MMUT: variants seen among roughly 807,000 people sequenced by gnomAD.
MMUT encodes methylmalonyl-CoA mutase, mitochondrial.
Under a neutral mutation model 79.9 loss-of-function variants are expected in MMUT, and 79 were observed. The observed-to-expected ratio is 0.99, with a 90% CI of 0.82 to 1.19. MMUT has a LOEUF of 1.19. MMUT is among the 50% of genes most tolerant of loss of function. MMUT has a pLI of 0.00. For missense variants in MMUT, 860 were observed against 917.2 expected (o/e 0.94, Z 0.81); for synonymous variants, 273 against 295.7 (o/e 0.92, Z 0.79).
At chr6:49,440,750 A>G (rs1028334167) in intron 10 of MMUT, among the ~76,000 whole-genome samples, 16 of 152,332 alleles carry the variant, frequency 1.1e-4, no homozygotes, top group Non-Finnish European at 1.3e-4. Flanking sequence ...GTAAGCACAT[A>G]ACACTGAGAA....
intron 7 of MMUT, 118 bp downstream of exon 7, chr6:49,448,698 T>G (rs765767186): frequency 7.4e-5 from 61 of 823,460 alleles, no homozygotes; most frequent in Non-Finnish European, 1.1e-4. Context: ...GAGAAAAAAT[T>G]TACCCAAGTT....
rs773680972 is a variant in MMUT at position 49,431,717 on chromosome 6, A to G, written c.*11T>C. On this transcript the variant is annotated 3_prime_UTR_variant, in exon 13 of 13. Transcript: ENST00000274813. ...AATATTTTAGACAAAAGCTAAAACA[A>G]AAAGAGGATATTATACAGATTGCTG... The G allele has an allele frequency of 8.1e-6, 13 of 1,612,402 alleles. No individual in the cohort carries two copies. The highest frequency in any genetic ancestry group is 9.3e-6 in the Non-Finnish European group (11 of 1,178,830).
intron 3 of MMUT, 83 bp from the exon 4 acceptor site, chr6:49,456,320 T>C: frequency 3.2e-6 from 3 of 936,932 alleles, no homozygotes; most frequent in Non-Finnish European, 5.0e-6. Flanking sequence ...GCATAAACAT[T>C]ATTTTAAAAT....
intron 12 of MMUT, 61 bp downstream of exon 12, chr6:49,435,395 A>C: frequency 2.0e-6 from 3 of 1,475,574 alleles, no homozygotes; most frequent in Non-Finnish European, 2.8e-6. Context: ...TAGAACCACA[A>C]ATAAGCTATC....
intron 4 of MMUT, among the ~76,000 whole-genome samples, chr6:49,455,493 T>C (rs1286413160): frequency 6.6e-6 from 1 of 152,214 alleles, no homozygotes; most frequent in East Asian, 1.9e-4. Flanking sequence ...GCAGAAGCTA[T>C]GTTTTCTACA....
Position 49,431,802 on chromosome 6 carries a change from G to A in MMUT, c.2179C>T (p.Arg727Ter), listed in dbSNP as rs779990936. ...ACCTGAACGGCAGCCTTTGGAATTC[G>A]AGTCCCAGGACCAAATACATTGGAA... The part of the protein sequence containing the change: ...GVSNVFGPGT[R>*]IPKAAVQVLD... The change falls in exon 13 of 13, where the codon CGA (arginine) becomes TGA (stop). Residue 727 changes from arginine (R) to a stop codon, truncating the protein, a stop_gained. Transcript: ENST00000274813. LOFTEE classifies it high-confidence loss of function. The A allele has an allele frequency of 1.8e-5, 29 of 1,613,668 alleles. No homozygotes were observed. The East Asian group carries it at 2.7e-4, about 15-fold the overall frequency.
At position 49,447,750 on chromosome 6, in the gene MMUT, A is replaced by G. The variant is rs754123075; in HGVS notation, c.1480T>C (p.Leu494=). The change falls in exon 8 of 13, where the codon TTG becomes CTG. Residue 494 remains leucine (L), a synonymous_variant. Transcript: ENST00000274813. The part of the protein sequence containing the change: ...EVIVGVNKYQ[L]EKEDAVEVLA... ...ACTTCTACAGCGTCTTCTTTTTCCA[A>G]CTGGTACTTATTTACTCCAACAATT... The G allele has an allele frequency of 1.9e-6, 3 of 1,611,718 alleles. No homozygotes were observed. Among genetic ancestry groups the G allele is most frequent in the Admixed American group, 3.3e-5 (2 of 59,954 alleles).
At chr6:49,442,899 T>C (rs1412978152) in intron 9 of MMUT, among the ~76,000 whole-genome samples, 1 of 152,052 alleles carries the variant, frequency 6.6e-6, no homozygotes, top group Non-Finnish European at 1.5e-5. Context: ...TAGGTTTGAA[T>C]ATAAAAGGAA....
Position 49,444,500 on chromosome 6 carries a change from A to G in MMUT, c.1676+139T>C. ...ATACAGAAATTTTAAAATGATAAGA[A>G]TTAAATTTACGATGGATGCCATTAT... On this transcript the variant is annotated intron_variant, in intron 9 of 12. Transcript: ENST00000274813. The G allele has an allele frequency of 9.7e-6, 7 of 721,350 alleles. No homozygotes were observed. The South Asian group carries it at 1.1e-4, about 11-fold the overall frequency. 44.7% of individuals were successfully genotyped at this position (721,350 alleles called of 1,614,324 possible). A position where few individuals can be genotyped will look rare whatever the true frequency, so the allele number is the denominator to read the frequency against.
intron 11 of MMUT, among the ~76,000 whole-genome samples, chr6:49,439,583 A>G (rs1377513704): frequency 6.6e-6 from 1 of 152,168 alleles, no homozygotes; most frequent in African/African-American, 2.4e-5. Context: ...CCAGAGTAAC[A>G]CAGAGTAACA....
intron 4 of MMUT, among the ~76,000 whole-genome samples, chr6:49,455,143 T>G (rs1271828241): frequency 1.3e-5 from 2 of 151,832 alleles, no homozygotes; most frequent in Non-Finnish European, 2.9e-5. Flanking sequence ...AATATATATA[T>G]ATATAATAAA....
chr6:49,448,403 C>A (rs1767463753), intron 7 of MMUT, among the ~76,000 whole-genome samples: 1 of 151,884 alleles, frequency 6.6e-6, no homozygotes, highest in African/African-American at 2.4e-5. Flanking sequence ...GATTTGTGTG[C>A]ATAGAGGTCA....
chr6:49,462,145 G>A (rs913849251), intron 1 of MMUT, among the ~76,000 whole-genome samples: 6 of 152,092 alleles, frequency 3.9e-5, no homozygotes, highest in Non-Finnish European at 4.4e-5. Context: ...ATGGCAATAC[G>A]ACCTCTGAAT....
At chr6:49,438,060 G>A (rs1375339576) in intron 11 of MMUT, among the ~76,000 whole-genome samples, 3 of 151,656 alleles carry the variant, frequency 2.0e-5, no homozygotes, top group African/African-American at 7.3e-5. Context: ...AATTTCATAC[G>A]ATGTAATTAC....
intron 7 of MMUT, 69 bp from the exon 8 acceptor site, chr6:49,447,854 T>C: frequency 1.2e-6 from 1 of 859,342 alleles, no homozygotes; most frequent in Non-Finnish European, 1.9e-6. Flanking sequence ...GGTTATGATG[T>C]ATTTTCCTTA....
Position 49,448,905 on chromosome 6 carries a change from A to T in MMUT, c.1355T>A (p.Met452Lys), listed in dbSNP as rs760718889. 79 of 1,612,416 alleles carry T rather than the reference A, an allele frequency of 4.9e-5. No individual in the cohort carries two copies. The highest frequency in any genetic ancestry group is 6.6e-5 in the Non-Finnish European group (78 of 1,178,780). ...ALKLINEIEE[M>K]GGMAKAVAEG... ...AGCTACAGCTTTGGCCATTCCACCC[A>T]TTTCTTCAATTTCATTAATGAGCTA... Residue 452 changes from methionine to lysine, a missense_variant, in exon 7 of 13, where the codon ATG (methionine) becomes AAG (lysine). By Grantham distance (95) the Met-to-Lys change is moderately conservative. Coordinates refer to ENST00000274813, the MANE Select transcript of MMUT (RefSeq NM_000255.4).
At chr6:49,461,868 A>T (rs1767856870) in intron 1 of MMUT, among the ~76,000 whole-genome samples, 1 of 152,208 alleles carries the variant, frequency 6.6e-6, no homozygotes, top group South Asian at 2.1e-4. Flanking sequence ...CAAGCCATCC[A>T]CTACATTTAC....
chr6:49,439,795 C>T (rs560836832), intron 11 of MMUT, among the ~76,000 whole-genome samples: 1 of 152,280 alleles, frequency 6.6e-6, no homozygotes, highest in African/African-American at 2.4e-5. Context: ...GATTTATTTC[C>T]CATCCTCTGG....
intron 2 of MMUT, 95 bp downstream of exon 2, chr6:49,458,987 T>G: frequency 8.1e-7 from 1 of 1,241,922 alleles, no homozygotes; most frequent in Non-Finnish European, 1.1e-6. Context: ...AATTATAGAG[T>G]GAATATCATC....
Sources: gnomAD v4.1 joint callset for allele counts (sites outside exome capture counted in the v4.1 genomes callset) on GRCh38, gnomAD v4.1.1 for gene constraint, MANE v1.5 for transcripts, NCBI Gene and HGNC (gene_info 2026-07-23, HGNC 2026-07-21) for gene names.